The following TANC2 variants were observed in gnomAD, a reference collection of about 807,000 sequenced individuals.
TANC2 encodes the protein protein TANC2.
TANC2 carries 26 observed loss-of-function variants against 210.5 expected under a neutral mutation model. The observed-to-expected ratio is 0.12, with a 90% CI of 0.09 to 0.17. TANC2 has a LOEUF of 0.17. Among genes scored for constraint, TANC2 ranks in the 10% least tolerant of loss-of-function variants. The pLI, the probability that TANC2 is intolerant of heterozygous loss-of-function variation, is 1.00. For synonymous variants in TANC2, 931 were observed against 967.1 expected, an observed-to-expected ratio of 0.96 and a Z score of 0.69; for missense variants, 2,129 against 2,608.9, an observed-to-expected ratio of 0.82 and a Z score of 4.01.
At chr17:63,156,048 A>G (rs1275183708) in intron 5 of TANC2, among the ~76,000 whole-genome samples, 2 of 152,098 alleles carry the variant, frequency 1.3e-5, no homozygotes, top group East Asian at 1.9e-4. Context: ...ACATTATAAA[A>G]TGTTATCTTT....
At chr17:63,360,244 A>T (rs1252295518) in intron 14 of TANC2, among the ~76,000 whole-genome samples, 1 of 152,214 alleles carries the variant, frequency 6.6e-6, no homozygotes, top group Non-Finnish European at 1.5e-5. Flanking sequence ...ACCCTCACTG[A>T]AGCACAAACT....
intron 5 of TANC2, among the ~76,000 whole-genome samples, chr17:63,186,574 A>G (rs1477165157): frequency 6.6e-6 from 1 of 151,764 alleles, no homozygotes; most frequent in Admixed American, 6.6e-5. Context: ...GCTGGTCTCA[A>G]ACTCCTGACC....
At chr17:63,238,059 C>T (rs760215311) in exon 8 of TANC2, 1 of 1,533,822 alleles carries the variant, frequency 6.5e-7, no homozygotes, top group South Asian at 1.2e-5. Flanking sequence ...TCTCATGCCA[C>T]GGCCAAATTC....
At chr17:63,321,921 C>T (rs941352233) in intron 11 of TANC2, among the ~76,000 whole-genome samples, 3 of 152,162 alleles carry the variant, frequency 2.0e-5, no homozygotes, top group African/African-American at 7.2e-5. Flanking sequence ...TCCCTTCACC[C>T]TTCTCTTCCA....
At chr17:63,406,062 T>C (rs2048496294) in intron 20 of TANC2, 92 bp from the exon 21 acceptor site, 3 of 1,520,776 alleles carry the variant, frequency 2.0e-6, no homozygotes, top group African/African-American at 1.4e-5. Context: ...CGTACAGCAG[T>C]AGGAATTCCT....
chr17:63,362,386 C>A (rs1396665911), intron 14 of TANC2, among the ~76,000 whole-genome samples: 1 of 152,190 alleles, frequency 6.6e-6, no homozygotes, highest in Non-Finnish European at 1.5e-5. Flanking sequence ...GACAGCCCAG[C>A]CCCCATGCTT....
intron 4 of TANC2, among the ~76,000 whole-genome samples, chr17:63,115,246 G>C (rs72843190): frequency 0.018 from 2,750 of 152,288 alleles, 44 homozygotes; most frequent in Non-Finnish European, 0.028. Flanking sequence ...GAGATAGGCT[G>C]TCCATGGAAT....
intron 2 of TANC2, among the ~76,000 whole-genome samples, chr17:63,012,223 T>C (rs1255719149): frequency 6.6e-6 from 1 of 151,964 alleles, no homozygotes; most frequent in African/African-American, 2.4e-5. Context: ...ATCTCAGTAC[T>C]TTGCCCAGGC....
At chr17:63,235,634 T>A (rs932823933) in intron 7 of TANC2, among the ~76,000 whole-genome samples, 2 of 152,094 alleles carry the variant, frequency 1.3e-5, no homozygotes, top group African/African-American at 4.8e-5. Flanking sequence ...ATAATTCATC[T>A]TCTTCCCGTG....
intron 2 of TANC2, among the ~76,000 whole-genome samples, chr17:63,047,476 A>G (rs1182429526): frequency 1.3e-5 from 2 of 152,078 alleles, no homozygotes; most frequent in African/African-American, 4.8e-5. Context: ...TAGGAGAGAA[A>G]ATCAGTAATA....
At chr17:63,267,787 A>G (rs745608593) in exon 9 of TANC2, 2 of 1,613,154 alleles carry the variant, frequency 1.2e-6, no homozygotes, top group Admixed American at 3.3e-5. Flanking sequence ...GCTTACCTGG[A>G]TGAGCAGAGA....
intron 1 of TANC2, chr17:63,004,913 T>A: frequency 3.4e-6 from 1 of 296,140 alleles, no homozygotes. Context: ...TCCTTCACAT[T>A]GGCTTTATCT....
chr17:63,209,004 A>G (rs969108248), intron 7 of TANC2, among the ~76,000 whole-genome samples: 2 of 150,628 alleles, frequency 1.3e-5, no homozygotes, highest in African/African-American at 4.9e-5. Context: ...ATTTCTTCCT[A>G]ATTTTTTTTT....
At chr17:62,983,542 C>G (rs572294342) in intron 1 of TANC2, among the ~76,000 whole-genome samples, 2 of 152,102 alleles carry the variant, frequency 1.3e-5, no homozygotes, top group South Asian at 4.1e-4. Flanking sequence ...TTGTCTTGTT[C>G]TAGTTCTTAG....
chr17:63,195,417 C>T (rs2041312406), intron 6 of TANC2, among the ~76,000 whole-genome samples: 1 of 152,122 alleles, frequency 6.6e-6, no homozygotes, highest in African/African-American at 2.4e-5. Flanking sequence ...ATCAGACCCA[C>T]GTTCACTCTT....
chr17:63,306,052 G>C (rs1225790615), intron 9 of TANC2, among the ~76,000 whole-genome samples: 2 of 152,116 alleles, frequency 1.3e-5, no homozygotes, highest in African/African-American at 4.8e-5. Flanking sequence ...AGGGAATGAC[G>C]TAATGTGGTC....
chr17:63,050,414 T>C (rs2035541513), intron 2 of TANC2, among the ~76,000 whole-genome samples: 1 of 149,364 alleles, frequency 6.7e-6, no homozygotes, highest in African/African-American at 2.5e-5. Flanking sequence ...ACTCCATAAA[T>C]ATGAACTTCA....
chr17:63,389,132 G>A (rs1194111531), intron 16 of TANC2, among the ~76,000 whole-genome samples, 176 bp from the exon 17 acceptor site: 3 of 152,042 alleles, frequency 2.0e-5, no homozygotes, highest in African/African-American at 4.8e-5. Flanking sequence ...ATGTAAAGGA[G>A]ATATTTTACA....
Position 63,043,914 on chromosome 17 carries a change from A to G in TANC2, c.68-30029A>G, listed in dbSNP as rs748659158. Among the ~76,000 whole-genome samples, 33 of 152,126 alleles carry G rather than the reference A, an allele frequency of 2.2e-4. 1 individual carries two copies. The highest frequency in any genetic ancestry group is 4.3e-4 in the Non-Finnish European group (29 of 67,964). On this transcript the variant is annotated intron_variant, in intron 2 of 27. Transcript: ENST00000689528. ...TCTGTACTCCCCAAAATGGCTGCCA[A>G]CATCTATCAGTCATCAAGCCCAGTT...
Sources: gnomAD v4.1 joint callset for allele counts (sites outside exome capture counted in the v4.1 genomes callset) on GRCh38, gnomAD v4.1.1 for gene constraint, MANE v1.5 for transcripts, NCBI Gene and HGNC (gene_info 2026-07-23, HGNC 2026-07-21) for gene names.